Variants in TMEM200A observed in about 807,000 individuals in gnomAD.
The protein encoded by TMEM200A is two transmembrane C.
Under a neutral mutation model 24.3 loss-of-function variants are expected in TMEM200A, and 12 were observed. That is an observed-to-expected ratio of 0.49 (90% confidence interval 0.32 to 0.80). TMEM200A has a LOEUF of 0.80. Among genes scored for constraint, TMEM200A ranks in the 30% least tolerant of loss-of-function variants. TMEM200A has a pLI of 0.04. For synonymous variants in TMEM200A, 224 were observed against 224.4 expected, an observed-to-expected ratio of 1.00 and a Z score of 0.02; for missense variants, 545 against 614.4, an observed-to-expected ratio of 0.89 and a Z score of 1.19.
At chr6:130,397,770 T>C (rs1395476835) in intron 2 of TMEM200A, among the ~76,000 whole-genome samples, 2 of 151,746 alleles carry the variant, frequency 1.3e-5, no homozygotes, top group Non-Finnish European at 2.9e-5. Flanking sequence ...TGTTTATTTA[T>C]TGCATTGATT....
intron 2 of TMEM200A, among the ~76,000 whole-genome samples, chr6:130,433,835 T>C (rs1013480263): frequency 2.6e-5 from 4 of 152,172 alleles, no homozygotes; most frequent in African/African-American, 9.7e-5. Context: ...AGGAAGATGA[T>C]GAAAAATCAG....
chr6:130,393,518 C>A (rs1209703597), intron 2 of TMEM200A, among the ~76,000 whole-genome samples: 2 of 152,154 alleles, frequency 1.3e-5, no homozygotes, highest in African/African-American at 4.8e-5. Context: ...CCAGTGTCAA[C>A]ACGGCTTCAC....
At chr6:130,434,894 C>A (rs1316396301) in intron 2 of TMEM200A, among the ~76,000 whole-genome samples, 2 of 152,008 alleles carry the variant, frequency 1.3e-5, no homozygotes, top group Non-Finnish European at 2.9e-5. Flanking sequence ...CCAAGACCCA[C>A]AATGAATCTC....
chr6:130,425,449 A>C (rs1047865784), intron 2 of TMEM200A, among the ~76,000 whole-genome samples: 3 of 146,644 alleles, frequency 2.0e-5, no homozygotes, highest in Non-Finnish European at 4.7e-5. Context: ...TCATTATCTT[A>C]TTCAGATTTA....
Position 130,441,620 on chromosome 6 carries a change from T to C in TMEM200A, c.1198T>C (p.Leu400=). The C allele has an allele frequency of 6.2e-7, 1 of 1,614,076 alleles. No individual in the cohort carries two copies. The highest frequency in any genetic ancestry group is 1.1e-5 in the South Asian group (1 of 91,074). Residue 400 remains leucine (L), a synonymous_variant, in exon 3 of 3, where the codon TTA becomes CTA. Transcript: ENST00000296978. ...CTCGTCACACTCAAAGTCCTTGGACTTAGACCGGGGTCCCTCCACTCTAAC... is the reference window on the plus strand; with the variant it reads ...CTCGTCACACTCAAAGTCCTTGGACCTAGACCGGGGTCCCTCCACTCTAAC... ...LLSSHSKSLD[L]DRGPSTLTVQ...
intron 2 of TMEM200A, among the ~76,000 whole-genome samples, chr6:130,401,866 T>A (rs1779095804): frequency 6.6e-6 from 1 of 151,912 alleles, no homozygotes. Context: ...CTTTTTTCAG[T>A]TTTTCTCTTT....
At position 130,423,081 on chromosome 6, in the gene TMEM200A, A is replaced by C. The variant is rs79475615; in HGVS notation, c.-16-17326A>C. Among the ~76,000 whole-genome samples, 35 of 152,338 alleles carry C rather than the reference A, an allele frequency of 2.3e-4. No individual in the cohort carries two copies. The East Asian group carries it at 6.2e-3, about 27-fold the overall frequency. The stretch of plus-strand genomic sequence containing the variant: ...TGAAGAAATGAAAGGCTGTATTTTA[A>C]GTGGCCTTCTATCTGGGGTAATACT... On this transcript the variant is annotated intron_variant, in intron 2 of 2. Coordinates refer to ENST00000296978, the MANE Select transcript of TMEM200A (RefSeq NM_001258277.2).
rs565802885 is a variant in TMEM200A, at chr6:130,397,995, C to T, written c.-17+12759C>T. ...TCTCTCTCAACTTTTATTTTAGGTT[C>T]GGGGGTACATTTGTAGGTTTGTTAC... On this transcript the variant is annotated intron_variant, in intron 2 of 2. Coordinates refer to ENST00000296978, the MANE Select transcript of TMEM200A (RefSeq NM_001258277.2). Among the ~76,000 whole-genome samples, 147 of 151,468 alleles carry T rather than the reference C, an allele frequency of 9.7e-4. 1 individual carries two copies. Among genetic ancestry groups the T allele is most frequent in the African/African-American group, 3.2e-3 (133 of 41,298 alleles).
intron 2 of TMEM200A, among the ~76,000 whole-genome samples, chr6:130,403,591 A>G (rs1779137174): frequency 6.6e-6 from 1 of 152,012 alleles, no homozygotes; most frequent in Non-Finnish European, 1.5e-5. Flanking sequence ...TGGATCATCT[A>G]TAGTTTTTGA....
In TMEM200A at chr6:130,366,272, CTCCG is replaced by C. The variant is rs1778142198; in HGVS notation, c.-328_-325del. Reference sequence around the variant, plus strand: ...GCGCGGGCATAGGGGCGCCCCCACCCTCCGTCCGCTTGCACCCCTTGCCACCCGC... The same window carrying C: ...GCGCGGGCATAGGGGCGCCCCCACCCTCCGCTTGCACCCCTTGCCACCCGC... On this transcript the variant is annotated 5_prime_UTR_variant, in exon 1 of 3. Coordinates refer to ENST00000296978, the MANE Select transcript of TMEM200A (RefSeq NM_001258277.2). The surrounding 1 kb of genome is among the most constrained non-coding windows in gnomAD (Gnocchi z 4.4). The C allele has an allele frequency of 4.1e-6, 4 of 985,432 alleles. No individual in the cohort carries two copies. In the Admixed American group the frequency reaches 2.5e-4, roughly 61 times the overall value. 61.0% of individuals were successfully genotyped at this position (985,432 alleles called of 1,614,324 possible).
chr6:130,432,360 G>A lies in TMEM200A; in HGVS notation c.-16-8047G>A, dbSNP rs374609520. Reference sequence around the variant, plus strand: ...TATGTTTGTCACAAGACAGGTCTCCGAATCTGAAGAAATAGAATGAATTTA... The same window carrying A: ...TATGTTTGTCACAAGACAGGTCTCCAAATCTGAAGAAATAGAATGAATTTA... On this transcript the variant is annotated intron_variant, in intron 2 of 2. Coordinates refer to ENST00000296978, the MANE Select transcript of TMEM200A (RefSeq NM_001258277.2). Among the ~76,000 whole-genome samples, 26 of 152,276 alleles carry A rather than the reference G, an allele frequency of 1.7e-4. 2 individuals carry two copies. The highest frequency in any genetic ancestry group is 1.2e-4 in the African/African-American group (5 of 41,568).
chr6:130,422,020 G>T (rs1779603806), intron 2 of TMEM200A, among the ~76,000 whole-genome samples: 1 of 152,092 alleles, frequency 6.6e-6, no homozygotes, highest in South Asian at 2.1e-4. Flanking sequence ...AATGAAAATG[G>T]GATTGCAGAT....
rs1308500132 is a variant in TMEM200A at position 130,440,534 on chromosome 6, A to C, written c.112A>C (p.Lys38Gln). The C allele has an allele frequency of 6.2e-7, 1 of 1,614,000 alleles. No homozygotes were observed. Among genetic ancestry groups the C allele is most frequent in the Non-Finnish European group, 8.5e-7 (1 of 1,179,982 alleles). Residue 38 changes from lysine to glutamine, a missense_variant, in exon 3 of 3, where the codon AAG becomes CAG. By Grantham distance (53) the Lys-to-Gln change is moderately conservative. Transcript: ENST00000296978. ...LSPSPATQEK[K>Q]PIRRRPRADV... ...CCCGTCTCCTGCTACCCAAGAGAAG[A>C]AGCCCATCAGGCGCCGGCCCCGGGC... is the stretch of plus-strand genomic sequence containing the variant.
At chr6:130,405,486 A>C (rs902587960) in intron 2 of TMEM200A, among the ~76,000 whole-genome samples, 4 of 152,150 alleles carry the variant, frequency 2.6e-5, no homozygotes, top group Admixed American at 1.3e-4. Flanking sequence ...CGACTACTGC[A>C]GCAGTTTCAT....
chr6:130,413,789 G>A (rs1222640535), intron 2 of TMEM200A, among the ~76,000 whole-genome samples: 2 of 152,156 alleles, frequency 1.3e-5, no homozygotes, highest in African/African-American at 2.4e-5. Context: ...TGCATGACCA[G>A]CCCCTTGTCC....
At chr6:130,367,398 G>C (rs1284444079) in intron 1 of TMEM200A, among the ~76,000 whole-genome samples, 1 of 152,166 alleles carries the variant, frequency 6.6e-6, no homozygotes, top group African/African-American at 2.4e-5. Context: ...TTGTTTATAA[G>C]AAAGAATATT....
intron 1 of TMEM200A, among the ~76,000 whole-genome samples, chr6:130,370,415 G>A (rs1443928773): frequency 6.6e-6 from 1 of 152,144 alleles, no homozygotes; most frequent in African/African-American, 2.4e-5. Flanking sequence ...ATGAGGAGGA[G>A]GAGGCTGGTA....
At chr6:130,367,920 G>A (rs1167903944) in intron 1 of TMEM200A, among the ~76,000 whole-genome samples, 1 of 152,074 alleles carries the variant, frequency 6.6e-6, no homozygotes, top group East Asian at 1.9e-4. Context: ...ATCTGGGCTG[G>A]GAAAGCCTTC....
chr6:130,400,432 T>A (rs1394657954), intron 2 of TMEM200A, among the ~76,000 whole-genome samples: 1 of 151,972 alleles, frequency 6.6e-6, no homozygotes, highest in Non-Finnish European at 1.5e-5. Flanking sequence ...CCTATTTTTT[T>A]AATTATCTCC....
Sources: gnomAD v4.1 joint callset for allele counts (sites outside exome capture counted in the v4.1 genomes callset) on GRCh38, gnomAD v4.1.1 for gene constraint, Gnocchi (gnomAD v3.1) non-coding constraint, MANE v1.5 for transcripts, NCBI Gene and HGNC (gene_info 2026-07-23, HGNC 2026-07-21) for gene names.